The following IFT57 variants were observed in gnomAD, a reference collection of about 807,000 sequenced individuals.
IFT57 encodes intraflagellar transport 57.
Under a neutral mutation model 56.8 loss-of-function variants are expected in IFT57, and 59 were observed. That is an observed-to-expected ratio of 1.04 (90% CI 0.84 to 1.29). The LOEUF (loss-of-function observed/expected upper bound fraction) is 1.29, where lower values mean the gene tolerates loss of function less well. Among genes scored for constraint, IFT57 ranks in the 50% most tolerant of loss-of-function variants. The pLI, the probability that IFT57 is intolerant of heterozygous loss-of-function variation, is 0.00. For missense variants in IFT57, 470 were observed against 522.1 expected (o/e 0.90, Z 0.97); for synonymous variants, 209 against 186.1 (o/e 1.12, Z -1.00).
chr3:108,219,117 T>TA (rs2107223583), intron 2 of IFT57, among the ~76,000 whole-genome samples: 1 of 9,478 alleles, frequency 1.1e-4, no homozygotes, highest in South Asian at 2.6e-3. Context: ...CTTTGTAGGA[T>TA]TTTTTTTTAA....
chr3:108,162,696 G>GGGCCGGGCGCGGTGGCTC, intron 10 of IFT57, 41 bp from the exon 11 acceptor site: 6 of 1,472,540 alleles, frequency 4.1e-6, no homozygotes, highest in Non-Finnish European at 5.5e-6. Context: ...TGTTCATTTG[G>GGGCCGGGCGCGGTGGCTC]AGTATCAGTG....
At chr3:108,173,751 G>C (rs1248039694) in intron 6 of IFT57, among the ~76,000 whole-genome samples, 1 of 143,412 alleles carries the variant, frequency 7.0e-6, no homozygotes, top group African/African-American at 2.6e-5. Context: ...GTTGAACCAT[G>C]GTAAGTCAGG....
intron 6 of IFT57, among the ~76,000 whole-genome samples, chr3:108,183,516 A>G (rs1374025031): frequency 6.6e-6 from 1 of 152,144 alleles, no homozygotes; most frequent in African/African-American, 2.4e-5. Context: ...AGCCAGTCAC[A>G]TATTATACCC....
At chr3:108,187,948 T>G (rs1019768438) in intron 6 of IFT57, among the ~76,000 whole-genome samples, 1 of 151,954 alleles carries the variant, frequency 6.6e-6, no homozygotes, top group Non-Finnish European at 1.5e-5. Flanking sequence ...TTTTGTTTTT[T>G]TTTTTTATAC....
chr3:108,186,253 T>C (rs2080181359), intron 6 of IFT57, among the ~76,000 whole-genome samples: 1 of 151,120 alleles, frequency 6.6e-6, no homozygotes, highest in African/African-American at 2.4e-5. Flanking sequence ...TGCCAGATGT[T>C]GTGCAGGACT....
chr3:108,195,947 T>A (rs1304010424), intron 5 of IFT57, among the ~76,000 whole-genome samples: 2 of 152,212 alleles, frequency 1.3e-5, no homozygotes, highest in East Asian at 3.9e-4. Context: ...GCAACTATAA[T>A]TAACGGTAAT....
chr3:108,177,583 A>C (rs2080130780), intron 6 of IFT57, among the ~76,000 whole-genome samples: 1 of 151,708 alleles, frequency 6.6e-6, no homozygotes, highest in Non-Finnish European at 1.5e-5. Flanking sequence ...AATTCAACAC[A>C]AGGTGGGGGG....
chr3:108,212,813 T>C (rs938977925), intron 4 of IFT57, among the ~76,000 whole-genome samples: 3 of 152,298 alleles, frequency 2.0e-5, no homozygotes, highest in Non-Finnish European at 4.4e-5. Context: ...TATCTATTGA[T>C]TTTAAAAATC....
rs534988981 is a variant in IFT57 at position 108,162,042 on chromosome 3, C to A, written c.*435G>T. The stretch of plus-strand genomic sequence containing the variant: ...AGCTGAGGCAAAGGCAGTTTGGGTT[C>A]TTGGAAAGAATCCTGCCTACCATCT... On this transcript the variant is annotated 3_prime_UTR_variant, in exon 11 of 11. Transcript: ENST00000264538. The A allele has an allele frequency of 4.6e-5, 7 of 153,002 alleles. No individual in the cohort carries two copies. Among genetic ancestry groups the A allele is most frequent in the African/African-American group, 1.2e-4 (5 of 41,596 alleles). 9.5% of individuals were successfully genotyped at this position (153,002 alleles called of 1,614,324 possible).
intron 5 of IFT57, among the ~76,000 whole-genome samples, chr3:108,199,386 CAGGCAGA>C (rs1291281991): frequency 6.6e-6 from 1 of 152,108 alleles, no homozygotes; most frequent in Non-Finnish European, 1.5e-5. Flanking sequence ...GGAATATAGA[CAGGCAGA>C]AAAGAGACAA....
rs779927598 is a variant in IFT57, at chr3:108,167,859, C to T, written c.783G>A (p.Trp261Ter). Residue 261 changes from tryptophan to a stop codon, truncating the protein, a stop_gained, in exon 7 of 11, where the codon TGG becomes TGA. Transcript: ENST00000264538. LOFTEE classifies it high-confidence loss of function. The stretch of plus-strand genomic sequence containing the variant: ...GGTGCATTTGGTCAACATGGATTCT[C>T]CAATCCTACAGGCATAGAGCACATA... ...KVTIRTDNKD[W>*]RIHVDQMHQH... 17 of 1,590,812 alleles carry T rather than the reference C, an allele frequency of 1.1e-5. No individual in the cohort carries two copies. Among genetic ancestry groups the T allele is most frequent in the Non-Finnish European group, 1.5e-5 (17 of 1,168,788 alleles).
chr3:108,216,579 A>G (rs572459326), intron 3 of IFT57, among the ~76,000 whole-genome samples: 1 of 152,338 alleles, frequency 6.6e-6, no homozygotes, highest in African/African-American at 2.4e-5. Context: ...AGGTGCCTCA[A>G]AAAACTAAAA....
At chr3:108,165,572 A>AATTTCTGCAGGTC in intron 8 of IFT57, 79 bp from the exon 9 acceptor site, 1 of 1,075,952 alleles carries the variant, frequency 9.3e-7, no homozygotes, top group Non-Finnish European at 1.4e-6. Flanking sequence ...TTGTGTTTGC[A>AATTTCTGCAGGTC]ATTTCTGCAG....
chr3:108,211,219 T>G (rs1328378935), intron 4 of IFT57, among the ~76,000 whole-genome samples: 1 of 152,190 alleles, frequency 6.6e-6, no homozygotes, highest in Non-Finnish European at 1.5e-5. Context: ...TATATGCCTT[T>G]GAAGTTAAAT....
At chr3:108,177,324 T>C (rs1982435) in intron 6 of IFT57, among the ~76,000 whole-genome samples, 14,616 of 151,534 alleles carry the variant, frequency 0.096, 766 homozygotes, top group Middle Eastern at 0.12. Flanking sequence ...TACCATACAA[T>C]AGAAAAAAAC....
intron 6 of IFT57, among the ~76,000 whole-genome samples, chr3:108,177,620 C>A (rs562982617): frequency 1.3e-4 from 19 of 150,764 alleles, no homozygotes; most frequent in Non-Finnish European, 5.9e-5. Flanking sequence ...ATAACCATTT[C>A]AAGAGATGAA....
At chr3:108,207,268 G>A (rs922930050) in intron 4 of IFT57, among the ~76,000 whole-genome samples, 5 of 152,114 alleles carry the variant, frequency 3.3e-5, no homozygotes, top group Admixed American at 6.5e-5. Flanking sequence ...GGTGGATGCC[G>A]AGCTAATCCT....
intron 5 of IFT57, among the ~76,000 whole-genome samples, chr3:108,196,762 T>A (rs1387066310): frequency 6.6e-6 from 1 of 152,190 alleles, no homozygotes; most frequent in Non-Finnish European, 1.5e-5. Flanking sequence ...AACATTAGGT[T>A]TGGCAGAGCA....
intron 5 of IFT57, among the ~76,000 whole-genome samples, chr3:108,198,033 T>C (rs2080252875): frequency 6.6e-6 from 1 of 152,166 alleles, no homozygotes; most frequent in South Asian, 2.1e-4. Flanking sequence ...CGGTACTAGA[T>C]GCTTTTACAT....
Sources: allele counts gnomAD v4.1 joint callset (sites outside exome capture counted in the v4.1 genomes callset), GRCh38; gene constraint gnomAD v4.1.1; transcripts MANE v1.5; gene names NCBI Gene and HGNC (gene_info 2026-07-23, HGNC 2026-07-21).